The following GEMIN5 variants were observed in gnomAD, a reference collection of about 807,000 sequenced individuals.
The protein encoded by GEMIN5 is gem nuclear organelle associated protein 5.
A neutral mutation model predicts 176.9 loss-of-function variants in GEMIN5; 124 were observed. The ratio of observed to expected loss-of-function variants is 0.70; its 90% CI spans 0.61 to 0.81. The LOEUF is 0.81. Ranked by LOEUF, GEMIN5 falls within the 40% of genes least tolerant of loss-of-function variation. GEMIN5 has a pLI of 0.00. For missense variants in GEMIN5, 1,843 were observed against 1,814.6 expected, an observed-to-expected ratio of 1.02 and a Z score of -0.28; for synonymous variants, 673 against 665.2, an observed-to-expected ratio of 1.01 and a Z score of -0.18.
chr5:154,896,547 G>C (rs940097481), intron 23 of GEMIN5, among the ~76,000 whole-genome samples: 2 of 152,122 alleles, frequency 1.3e-5, no homozygotes, highest in Non-Finnish European at 2.9e-5. Flanking sequence ...CCCTTTTGGG[G>C]GAAATCTATC....
In GEMIN5 at chr5:154,899,983, T is replaced by C. The variant is rs143392417; in HGVS notation, c.3015-673A>G. Among the ~76,000 whole-genome samples the C allele has an allele frequency of 2.6e-4, 39 of 152,242 alleles. 1 individual carries two copies. In the East Asian group the frequency reaches 6.2e-3, roughly 24 times the overall value. On this transcript the variant is annotated intron_variant, in intron 21 of 27. Transcript: ENST00000285873. The stretch of plus-strand genomic sequence containing the variant: ...ATAACAGTTATTCAGTGTTGGGTAT[T>C]TGGCAGATGTTTTTCTCAAAAATGA...
intron 17 of GEMIN5, 57 bp from the exon 18 acceptor site, chr5:154,904,686 G>A (rs201406985): frequency 1.7e-5 from 24 of 1,384,146 alleles, no homozygotes; most frequent in African/African-American, 5.7e-5. Flanking sequence ...AACATAAAAC[G>A]GAATGCCTAT....
intron 11 of GEMIN5, among the ~76,000 whole-genome samples, chr5:154,919,283 G>T (rs1470429132): frequency 6.6e-6 from 1 of 152,018 alleles, no homozygotes; most frequent in African/African-American, 2.4e-5. Flanking sequence ...AGTAAGCCAA[G>T]ATCACGCCAC....
chr5:154,925,022 C>A (rs1333006810), intron 8 of GEMIN5, among the ~76,000 whole-genome samples: 3 of 151,786 alleles, frequency 2.0e-5, no homozygotes, highest in Non-Finnish European at 4.4e-5. Context: ...ACAAAAAAAA[C>A]AAAGTCAATG....
chr5:154,932,746 T>C (rs186569993), intron 3 of GEMIN5, among the ~76,000 whole-genome samples: 1 of 152,260 alleles, frequency 6.6e-6, no homozygotes, highest in African/African-American at 2.4e-5. Flanking sequence ...TATTTTTTTG[T>C]AGAGATGAGG....
intron 19 of GEMIN5, 73 bp from the exon 20 acceptor site, chr5:154,902,749 C>T: frequency 6.7e-7 from 1 of 1,486,974 alleles, no homozygotes; most frequent in Admixed American, 1.8e-5. Context: ...AAAAGAAAGG[C>T]AAGATAGAAG....
In GEMIN5 at chr5:154,921,371, C is replaced by A; in HGVS notation, c.1434G>T (p.Trp478Cys). The A allele has an allele frequency of 6.7e-7, 1 of 1,481,818 alleles. No homozygotes were observed. The highest frequency in any genetic ancestry group is 9.4e-7 in the Non-Finnish European group (1 of 1,067,226). 91.8% of individuals were successfully genotyped at this position (1,481,818 alleles called of 1,614,324 possible). ...GTGACATGGGGGGTACTGGTGGCCCCCAGGCTAAAGTATATACAGTCTTCT... is the reference window on the plus strand; with the variant it reads ...GTGACATGGGGGGTACTGGTGGCCCACAGGCTAAAGTATATACAGTCTTCT... ...YHKKTVYTLA[W>C]GPPVPPMSLG... is the part of the protein sequence containing the mutation. Residue 478 changes from tryptophan (W) to cysteine (C), a missense_variant, in exon 10 of 28, where the codon TGG becomes TGT. Physicochemically the swap from Trp to Cys is radical, Grantham distance 215 (BLOSUM62 -2). Coordinates refer to ENST00000285873, the MANE Select transcript of GEMIN5 (RefSeq NM_015465.5).
intron 7 of GEMIN5, 84 bp downstream of exon 7, chr5:154,927,301 A>G (rs1764061727): frequency 7.6e-6 from 6 of 794,306 alleles, no homozygotes; most frequent in Non-Finnish European, 1.3e-5. Context: ...TTACGACTTG[A>G]CAGGTGCTTT....
Position 154,911,844 on chromosome 5 carries a change from G to T in GEMIN5, c.2050C>A (p.Arg684=). Residue 684 remains arginine, a synonymous_variant, in exon 15 of 28, where the codon CGA becomes AGA. Coordinates refer to ENST00000285873, the MANE Select transcript of GEMIN5 (RefSeq NM_015465.5). The part of the protein sequence containing the change: ...PLCNFRGHRG[R]LLCVAWSPLD... ...GGAGACCATGCCACACAAAGCAGTC[G>T]ACCTCGATGTCCTCGGAAATTGCAC... 2 of 1,613,924 alleles carry T rather than the reference G, an allele frequency of 1.2e-6. No homozygotes were observed. The highest frequency in any genetic ancestry group is 1.7e-6 in the Non-Finnish European group (2 of 1,179,848).
At chr5:154,925,370 AAC>A (rs1764007925) in intron 8 of GEMIN5, among the ~76,000 whole-genome samples, 1 of 152,160 alleles carries the variant, frequency 6.6e-6, no homozygotes, top group African/African-American at 2.4e-5. Context: ...TTTCTTTTTA[AAC>A]CATAAAAATT....
At chr5:154,912,329 T>C (rs758065368) in intron 14 of GEMIN5, among the ~76,000 whole-genome samples, 1 of 152,340 alleles carries the variant, frequency 6.6e-6, no homozygotes, top group South Asian at 2.1e-4. Context: ...TCTTGAATTA[T>C]TCTGAACTCA....
At chr5:154,904,245 T>A (rs1561714539) in intron 18 of GEMIN5, among the ~76,000 whole-genome samples, 1 of 152,116 alleles carries the variant, frequency 6.6e-6, no homozygotes, top group Non-Finnish European at 1.5e-5. Context: ...GGCACACAGA[T>A]GGCTGGGAGG....
Position 154,931,539 on chromosome 5 carries a change from C to T in GEMIN5, c.700G>A (p.Ala234Thr). ...AAGTAGCAACCTTTTGTTACTGGAG[C>T]TTGTGCTACAGCATTCCCGTTGGTA... ...EITNGNAVAQAPVTKGCYLAT... is the reference protein window; with the variant it reads ...EITNGNAVAQTPVTKGCYLAT... Residue 234 changes from alanine to threonine, a missense_variant, in exon 5 of 28, where the codon GCT becomes ACT. By Grantham distance (58) the Ala-to-Thr change is moderately conservative. Transcript: ENST00000285873. 1.2e-6 allele frequency: 2 copies of T among 1,612,418 alleles called. No individual in the cohort carries two copies. Among genetic ancestry groups the T allele is most frequent in the Non-Finnish European group, 1.7e-6 (2 of 1,178,560 alleles).
intron 15 of GEMIN5, among the ~76,000 whole-genome samples, chr5:154,910,526 A>G (rs895364896): frequency 2.0e-5 from 3 of 151,794 alleles, no homozygotes; most frequent in African/African-American, 7.3e-5. Flanking sequence ...CTGGTCTCAA[A>G]CTCCTGGCCT....
At position 154,899,283 on chromosome 5, in the gene GEMIN5, C is replaced by T; in HGVS notation, c.3042G>A (p.Arg1014=). 4.3e-6 allele frequency: 7 copies of T among 1,611,830 alleles called. No homozygotes were observed. The highest frequency in any genetic ancestry group is 2.2e-5 in the East Asian group (1 of 44,796). Reference sequence around the variant, plus strand: ...TCAGGACTGGGTCCTCCGGGCGCAGCCGGGCCTTGGCAATCGCAATAGCTT... The same window carrying T: ...TCAGGACTGGGTCCTCCGGGCGCAGTCGGGCCTTGGCAATCGCAATAGCTT... ...YREAIAIAKA[R]LRPEDPVLKD... Residue 1014 remains arginine, a synonymous_variant, in exon 22 of 28, where the codon CGG becomes CGA. Transcript: ENST00000285873.
intron 3 of GEMIN5, among the ~76,000 whole-genome samples, chr5:154,933,027 C>T (rs1764199217): frequency 2.0e-5 from 3 of 152,170 alleles, no homozygotes; most frequent in Non-Finnish European, 4.4e-5. Flanking sequence ...TCAAAAGAAA[C>T]TGAGAAATTC....
intron 24 of GEMIN5, among the ~76,000 whole-genome samples, chr5:154,893,443 A>AAAAAC (rs535821819): frequency 2.5e-3 from 376 of 152,094 alleles, no homozygotes; most frequent in African/African-American, 8.8e-3. Context: ...AAAACCCACC[A>AAAAAC]AAAACAAAAC....
chr5:154,910,042 C>T (rs1488934194), intron 15 of GEMIN5, among the ~76,000 whole-genome samples: 1 of 151,462 alleles, frequency 6.6e-6, no homozygotes, highest in African/African-American at 2.4e-5. Flanking sequence ...TTGTGCCTGG[C>T]TGCTTCTGCT....
Position 154,891,705 on chromosome 5 carries a change from T to C in GEMIN5, c.3798A>G (p.Gln1266=), listed in dbSNP as rs138987708. ...TTTTGAAAGCTGGTGTGGCAGGGGA[T>C]TGATGGTCCCCCAACTTGTCTCTTA... is the stretch of plus-strand genomic sequence containing the variant. ...DHLRDKLGDH[Q]SPATPAFKSL... The change falls in exon 26 of 28, where the codon CAA becomes CAG. Residue 1266 remains glutamine, a synonymous_variant. Transcript: ENST00000285873. The C allele has an allele frequency of 1.1e-4, 172 of 1,608,172 alleles. No homozygotes were observed. The highest frequency in any genetic ancestry group is 1.2e-4 in the Non-Finnish European group (138 of 1,178,274).
Sources: allele counts gnomAD v4.1 joint callset (sites outside exome capture counted in the v4.1 genomes callset), GRCh38; gene constraint gnomAD v4.1.1; transcripts MANE v1.5; gene names NCBI Gene and HGNC (gene_info 2026-07-23, HGNC 2026-07-21).